The following PARP12 variants were observed in gnomAD, a reference collection of about 807,000 sequenced individuals.
PARP12 encodes the protein poly(ADP-ribose) polymerase family member 12.
In PARP12, 59 loss-of-function variants were observed where a neutral mutation model predicts 72.4. That is an observed-to-expected ratio of 0.81 (90% confidence interval 0.66 to 1.01). The LOEUF is 1.01. Ranked by LOEUF, PARP12 falls within the 50% of genes least tolerant of loss-of-function variation. The probability of loss-of-function intolerance (pLI) is 0.00; values close to 1 mark genes in which losing one functional copy is unlikely to be tolerated. For missense variants in PARP12, 851 were observed against 914.0 expected (o/e 0.93, Z 0.89); for synonymous variants, 403 against 371.4 (o/e 1.09, Z -0.98).
rs1397647842 is a variant in PARP12 at position 140,062,549 on chromosome 7, T to C, written c.299A>G (p.Tyr100Cys). Residue 100 changes from tyrosine to cysteine, a missense_variant, in exon 1 of 12, where the codon TAC becomes TGC. Tyr to Cys is a radical substitution (Grantham distance 194). Transcript: ENST00000263549. Reference protein sequence around the residue: ...AQLHLCRFMVYGACKFLRAGK... With the variant: ...AQLHLCRFMVCGACKFLRAGK... ...GGCTCTCAGGAACTTGCAGGCGCCG[T>C]AGACCATGAACCTGCAGAGGTGGAG... 3.2e-6 allele frequency: 5 copies of C among 1,555,440 alleles called. No individual in the cohort carries two copies. The East Asian group carries it at 9.6e-5, about 30-fold the overall frequency.
chr7:140,057,391 C>T (rs530859035), intron 2 of PARP12: 2 of 557,638 alleles, frequency 3.6e-6, no homozygotes, highest in South Asian at 4.7e-5. Context: ...TGGGAAAATC[C>T]AAGAACTTCA....
chr7:140,035,276 T>C (rs73734183), intron 7 of PARP12, among the ~76,000 whole-genome samples: 5,882 of 152,262 alleles, frequency 0.039, 235 homozygotes, highest in African/African-American at 0.1. Context: ...TGACCCCTTC[T>C]GTTACCCACT....
intron 6 of PARP12, among the ~76,000 whole-genome samples, chr7:140,039,863 C>T (rs62490139): frequency 0.063 from 9,633 of 151,784 alleles, 383 homozygotes; most frequent in Non-Finnish European, 0.09. Context: ...CATCCACACG[C>T]GGTTCATCCC....
intron 8 of PARP12, 27 bp from the exon 9 acceptor site, chr7:140,028,715 A>C: frequency 1.3e-6 from 2 of 1,559,918 alleles, no homozygotes; most frequent in East Asian, 4.6e-5. Context: ...AAAAACACGT[A>C]GACATTTTAT....
chr7:140,048,094 G>C (rs1816811140), intron 4 of PARP12, among the ~76,000 whole-genome samples: 1 of 152,178 alleles, frequency 6.6e-6, no homozygotes, highest in South Asian at 2.1e-4. Flanking sequence ...GATGGAGCCA[G>C]ATTCATCCCT....
chr7:140,026,295 T>G lies in PARP12; in HGVS notation c.1682A>C (p.Gln561Pro). Residue 561 changes from glutamine (Q) to proline (P), a missense_variant, in exon 11 of 12, where the codon CAG (glutamine) becomes CCG (proline). By Grantham distance (76) the Gln-to-Pro change is moderately conservative. This residue lies in a region of PARP12 where 347 missense variants were observed against 396.1 expected (regional missense o/e 0.88). Transcript: ENST00000263549. ...QNGGKAVDER[Q>P]LFHGTSAIFV... ...AATGGCGCTGGTGCCGTGGAACAGCTGCCGCTCGTCCACGGCCTTCCCTCC... is the reference window on the plus strand; with the variant it reads ...AATGGCGCTGGTGCCGTGGAACAGCGGCCGCTCGTCCACGGCCTTCCCTCC... The G allele has an allele frequency of 6.2e-7, 1 of 1,613,502 alleles. No homozygotes were observed.
At chr7:140,057,288 C>T (rs1365237439) in intron 2 of PARP12, 135 bp from the exon 3 acceptor site, 14 of 845,908 alleles carry the variant, frequency 1.7e-5, no homozygotes, top group Admixed American at 1.2e-4. Flanking sequence ...ACAGCTATTA[C>T]ATCCCTCACT....
chr7:140,049,605 G>C (rs1816879238), intron 4 of PARP12, among the ~76,000 whole-genome samples: 1 of 152,184 alleles, frequency 6.6e-6, no homozygotes, highest in Admixed American at 6.5e-5. Flanking sequence ...GCACATCCTG[G>C]GGAAGGTGCA....
intron 3 of PARP12, among the ~76,000 whole-genome samples, chr7:140,056,293 T>C (rs550672021): frequency 3.9e-5 from 6 of 152,176 alleles, no homozygotes; most frequent in Non-Finnish European, 7.3e-5. Flanking sequence ...AATGTCAGAG[T>C]ACCTACTGTG....
In PARP12 at chr7:140,062,737, G is replaced by GC; in HGVS notation, c.110_111insG (p.Asp37GlufsTer77). The GC allele has an allele frequency of 1.5e-6, 2 of 1,367,520 alleles. No homozygotes were observed. The highest frequency in any genetic ancestry group is 1.9e-6 in the Non-Finnish European group (2 of 1,053,792). The allele number at this position is 1,367,520 out of a possible 1,614,324, so 84.7% of individuals were successfully genotyped here. A position where few individuals can be genotyped will look rare whatever the true frequency, so the allele number is the denominator to read the frequency against. On this transcript the variant is annotated frameshift_variant, in exon 1 of 12. Transcript: ENST00000263549. LOFTEE classifies it high-confidence loss of function. ...GCTGCCGCAGCAGCCGCTCCAGCGC[G>GC]TCGGCGCTCAAGCCCATCCGCAAGC...
rs571504438 is a variant in PARP12, at chr7:140,062,301, C to A, written c.326+221G>T. ...GCTCTATGTAAATCACTCTCTCCCC[C>A]CAGGCGTCTAGAGGACCCCACTCGA... On this transcript the variant is annotated intron_variant, in intron 1 of 11. Coordinates refer to ENST00000263549, the MANE Select transcript of PARP12 (RefSeq NM_022750.4). 3.7e-3 allele frequency among the ~76,000 whole-genome samples: 565 copies of A among 152,278 alleles called. 4 individuals are homozygous for A. Among genetic ancestry groups the A allele is most frequent in the Middle Eastern group, 0.01 (3 of 294 alleles).
Position 140,024,703 on chromosome 7 carries a change from C to T in PARP12, c.1963G>A (p.Val655Met). 2 of 1,614,182 alleles carry T rather than the reference C, an allele frequency of 1.2e-6. No homozygotes were observed. The change falls in exon 12 of 12, where the codon GTG (valine) becomes ATG (methionine). Residue 655 changes from valine (V) to methionine (M), a missense_variant. Physicochemically the swap from Val to Met is conservative, Grantham distance 21 (BLOSUM62 1). Transcript: ENST00000263549. ...ATCACAAAGATGGAGGGGTCGGACA[C>T]ACTGTTCACGCAGCTATCATAGAAG... ...NAFYDSCVNS[V>M]SDPSIFVIFE...
intron 5 of PARP12, 45 bp from the exon 6 acceptor site, chr7:140,041,884 G>T (rs1816489379): frequency 1.4e-6 from 2 of 1,480,626 alleles, no homozygotes; most frequent in Middle Eastern, 1.8e-4. Flanking sequence ...CACCAGCCAA[G>T]CAGACACAGG....
Position 140,024,688 on chromosome 7 carries a change from TGGAGGGGTC to T in PARP12, c.1969_1977del (p.Asp657_Ser659del). 6.2e-7 allele frequency: 1 copy of T among 1,614,098 alleles called. No homozygotes were observed. The highest frequency in any genetic ancestry group is 8.5e-7 in the Non-Finnish European group (1 of 1,180,026). On this transcript the variant is annotated inframe_deletion, in exon 12 of 12. Transcript: ENST00000263549. ...TGGTGTTTCTCAAAGATCACAAAGA[TGGAGGGGTC>T]GGACACACTGTTCACGCAGCTATCA... is the stretch of plus-strand genomic sequence containing the variant.
intron 1 of PARP12, among the ~76,000 whole-genome samples, chr7:140,061,639 C>G (rs1356412095): frequency 6.6e-6 from 1 of 152,138 alleles, no homozygotes; most frequent in African/African-American, 2.4e-5. Flanking sequence ...ATTTTACCCG[C>G]CCCATCACCT....
chr7:140,061,199 C>T (rs926405101), intron 1 of PARP12, among the ~76,000 whole-genome samples: 10 of 152,190 alleles, frequency 6.6e-5, no homozygotes, highest in Non-Finnish European at 1.3e-4. Context: ...AGCTTCTGGT[C>T]AATGGGATGT....
At chr7:140,028,916 C>T (rs34564865) in intron 8 of PARP12, 20,388 of 368,016 alleles carry the variant, frequency 0.055, 794 homozygotes, top group South Asian at 0.13. Context: ...ATCTATTTCT[C>T]GCCTGTGTCC....
chr7:140,041,939 T>C (rs763636661), intron 5 of PARP12, 100 bp from the exon 6 acceptor site: 13 of 1,022,784 alleles, frequency 1.3e-5, no homozygotes, highest in Non-Finnish European at 1.9e-5. Context: ...GAATAGTAAA[T>C]GTGGCATGCA....
rs1815659582 is a variant in PARP12, at chr7:140,024,764, A to G, written c.1902T>C (p.Phe634=). 1 of 1,614,078 alleles carries G rather than the reference A, an allele frequency of 6.2e-7. No individual in the cohort carries two copies. Among genetic ancestry groups the G allele is most frequent in the African/African-American group, 1.3e-5 (1 of 74,926 alleles). The change falls in exon 12 of 12, where the codon TTT becomes TTC. Residue 634 remains phenylalanine, a synonymous_variant. Coordinates refer to ENST00000263549, the MANE Select transcript of PARP12 (RefSeq NM_022750.4). ...VGEFVRGNAS[F]VRPPAKEGWS... is the part of the protein sequence containing the mutation. ...AGCCCTCCTTGGCCGGCGGACGGAC[A>G]AAGGAGGCATTGCCCCTGACGAACT...
Sources: allele counts gnomAD v4.1 joint callset (sites outside exome capture counted in the v4.1 genomes callset), GRCh38; gene constraint gnomAD v4.1.1; regional missense constraint gnomAD v4.1.1; transcripts MANE v1.5; gene names NCBI Gene and HGNC (gene_info 2026-07-23, HGNC 2026-07-21).